ELP4: variants seen among roughly 807,000 people sequenced by gnomAD.
ELP4 encodes the protein elongator complex protein 4.
ELP4 carries 51 observed loss-of-function variants against 48.9 expected under a neutral mutation model. The ratio of observed to expected loss-of-function variants is 1.04; its 90% CI spans 0.83 to 1.32. ELP4 has a LOEUF of 1.32. Ranked by LOEUF, ELP4 falls within the 40% of genes most tolerant of loss-of-function variation. The pLI is 0.00. For synonymous variants in ELP4, 210 were observed against 189.2 expected (o/e 1.11, Z -0.90); for missense variants, 519 against 514.6 (o/e 1.01, Z -0.08).
At position 31,546,338 on chromosome 11, in the gene ELP4, G is replaced by C. The variant is rs556008926; in HGVS notation, c.381+6555G>C. ...AAAAAAGGCAGGGGTTGCAATCCGA[G>C]TCTCTGATAAAACAGACTTTAAACC... On this transcript the variant is annotated intron_variant, in intron 3 of 9. Coordinates refer to ENST00000640961, the MANE Select transcript of ELP4 (RefSeq NM_019040.5). Among the ~76,000 whole-genome samples the C allele has an allele frequency of 2.1e-3, 316 of 152,204 alleles. 3 individuals are homozygous for C. Among genetic ancestry groups the C allele is most frequent in the African/African-American group, 7.2e-3 (298 of 41,520 alleles).
At chr11:31,694,883 G>A (rs540493611) in intron 9 of ELP4, among the ~76,000 whole-genome samples, 1 of 152,238 alleles carries the variant, frequency 6.6e-6, no homozygotes, top group South Asian at 2.1e-4. Flanking sequence ...GACATCCCTT[G>A]TAAGTTGGAT....
chr11:31,591,831 ATAACT>A (rs1457278961), intron 3 of ELP4, among the ~76,000 whole-genome samples: 2 of 152,176 alleles, frequency 1.3e-5, no homozygotes, highest in South Asian at 2.1e-4. Flanking sequence ...ATTACTCATA[ATAACT>A]TAAGAATAGA....
chr11:31,720,382 G>C (rs960277940), intron 9 of ELP4, among the ~76,000 whole-genome samples: 5 of 151,474 alleles, frequency 3.3e-5, no homozygotes, highest in Non-Finnish European at 7.4e-5. Context: ...GGTCACTATT[G>C]TCTGCCCAGT....
chr11:31,541,242 G>T (rs1208024271), intron 3 of ELP4, among the ~76,000 whole-genome samples: 1 of 152,158 alleles, frequency 6.6e-6, no homozygotes, highest in Non-Finnish European at 1.5e-5. Flanking sequence ...ATATGATTCA[G>T]ACTTTGCTTG....
intron 2 of ELP4, among the ~76,000 whole-genome samples, chr11:31,529,113 C>G (rs796708573): frequency 1.3e-4 from 19 of 143,246 alleles, no homozygotes; most frequent in African/African-American, 4.9e-4. Context: ...GAGACTCCGT[C>G]TGAAAAAAAA....
intron 5 of ELP4, among the ~76,000 whole-genome samples, chr11:31,618,655 G>T (rs1944548375): frequency 6.6e-6 from 1 of 152,056 alleles, no homozygotes; most frequent in Non-Finnish European, 1.5e-5. Context: ...CATATTACAT[G>T]ATTTCGTTTG....
chr11:31,768,036 T>G (rs1948074529), intron 9 of ELP4: 2 of 152,002 alleles, frequency 1.3e-5, no homozygotes, highest in South Asian at 4.1e-4. Flanking sequence ...TAAGTGAGAG[T>G]TGGAGTGGGG....
At chr11:31,730,455 T>G (rs1947162794) in intron 9 of ELP4, among the ~76,000 whole-genome samples, 1 of 152,130 alleles carries the variant, frequency 6.6e-6, no homozygotes, top group Admixed American at 6.6e-5. Flanking sequence ...TATTGGGGAT[T>G]ACATTTTAAC....
chr11:31,745,949 C>G (rs1441854262), intron 9 of ELP4, among the ~76,000 whole-genome samples: 1 of 152,106 alleles, frequency 6.6e-6, no homozygotes, highest in African/African-American at 2.4e-5. Flanking sequence ...TCAGAGTGAA[C>G]AGGCAACCTA....
intron 5 of ELP4, among the ~76,000 whole-genome samples, chr11:31,622,567 T>A (rs1182147804): frequency 2.0e-5 from 3 of 151,728 alleles, no homozygotes; most frequent in East Asian, 1.9e-4. Flanking sequence ...CTAATTTTTT[T>A]ATCTTTCTTA....
At chr11:31,533,218 T>C (rs1172350585) in intron 2 of ELP4, among the ~76,000 whole-genome samples, 1 of 152,114 alleles carries the variant, frequency 6.6e-6, no homozygotes, top group Non-Finnish European at 1.5e-5. Flanking sequence ...TTTTGTAGTC[T>C]CCACTGTCTG....
intron 2 of ELP4, among the ~76,000 whole-genome samples, chr11:31,524,599 C>A (rs1306254130): frequency 1.3e-5 from 2 of 152,192 alleles, no homozygotes; most frequent in African/African-American, 2.4e-5. Flanking sequence ...ATCATAGGGA[C>A]CACCTTAGAA....
chr11:31,782,139 G>A (rs954446914), intron 9 of ELP4, among the ~76,000 whole-genome samples: 4 of 152,086 alleles, frequency 2.6e-5, no homozygotes, highest in South Asian at 2.1e-4. Context: ...TTGAAATCAA[G>A]GAAGAATATT....
At chr11:31,782,719 A>G (rs1324455552) in intron 9 of ELP4, among the ~76,000 whole-genome samples, 1 of 152,182 alleles carries the variant, frequency 6.6e-6, no homozygotes, top group East Asian at 1.9e-4. Flanking sequence ...GCAACACTAT[A>G]CTTTTGAAAA....
chr11:31,679,321 G>A (rs1248447759), intron 9 of ELP4, among the ~76,000 whole-genome samples: 1 of 152,118 alleles, frequency 6.6e-6, no homozygotes, highest in Non-Finnish European at 1.5e-5. Context: ...ATATCTTGAA[G>A]TCGGGCAGTA....
intron 3 of ELP4, among the ~76,000 whole-genome samples, chr11:31,552,870 A>C (rs1370730755): frequency 6.6e-6 from 1 of 152,050 alleles, no homozygotes. Context: ...ATTACTTAAT[A>C]TCTCCCCCTG....
At chr11:31,757,928 A>G (rs1346537518) in intron 9 of ELP4, among the ~76,000 whole-genome samples, 2 of 152,204 alleles carry the variant, frequency 1.3e-5, no homozygotes, top group Non-Finnish European at 2.9e-5. Flanking sequence ...TATACTTAAC[A>G]TTGGAATAGT....
rs1948500193 is a variant in ELP4, at chr11:31,785,001, T to C, written c.*1477T>C. On this transcript the variant is annotated 3_prime_UTR_variant, in exon 10 of 10. Coordinates refer to ENST00000640961, the MANE Select transcript of ELP4 (RefSeq NM_019040.5). The stretch of plus-strand genomic sequence containing the variant: ...TTTTTAGAATGTCGGGTTTATTTTT[T>C]TCATTTCTTTTAATTCTAAAGACAC... 5.5e-6 allele frequency: 1 copy of C among 180,572 alleles called. No homozygotes were observed. Among genetic ancestry groups the C allele is most frequent in the African/African-American group, 2.4e-5 (1 of 42,460 alleles). The allele number at this position is 180,572 out of a possible 1,614,324, so 11.2% of individuals were successfully genotyped here.
chr11:31,723,761 A>G, intron 9 of ELP4, among the ~76,000 whole-genome samples: 1 of 152,172 alleles, frequency 6.6e-6, no homozygotes, highest in East Asian at 1.9e-4. Context: ...CTTATAGGAG[A>G]ACTGAAAAAG....
Sources: allele counts gnomAD v4.1 joint callset (sites outside exome capture counted in the v4.1 genomes callset), GRCh38; gene constraint gnomAD v4.1.1; transcripts MANE v1.5; gene names NCBI Gene and HGNC (gene_info 2026-07-23, HGNC 2026-07-21).